DLG2: variants seen among roughly 807,000 people sequenced by gnomAD.
DLG2 encodes the protein discs large MAGUK scaffold protein 2.
In DLG2, 45 loss-of-function variants were observed where a neutral mutation model predicts 132.5. The observed-to-expected ratio is 0.34, with a 90% CI of 0.27 to 0.44. DLG2 has a LOEUF of 0.44. Ranked by LOEUF, DLG2 falls within the 20% of genes least tolerant of loss-of-function variation. DLG2 has a pLI of 1.00. For missense variants in DLG2, 1,045 were observed against 1,196.9 expected (o/e 0.87, Z 1.87); for synonymous variants, 424 against 419.6 (o/e 1.01, Z -0.13).
chr11:84,796,431 C>T (rs1055035331), intron 6 of DLG2, among the ~76,000 whole-genome samples: 4 of 152,082 alleles, frequency 2.6e-5, no homozygotes, highest in African/African-American at 9.7e-5. Context: ...AGTTTGCATG[C>T]CACAGTTGCA....
intron 17 of DLG2, among the ~76,000 whole-genome samples, chr11:83,825,128 T>TACACAC (rs1291937371): frequency 4.4e-5 from 4 of 90,972 alleles, no homozygotes; most frequent in African/African-American, 1.7e-4. Context: ...TACACATATA[T>TACACAC]ATATACACAC....
intron 3 of DLG2, among the ~76,000 whole-genome samples, chr11:85,481,267 A>G (rs900314224): frequency 2.0e-5 from 3 of 152,240 alleles, no homozygotes; most frequent in African/African-American, 7.2e-5. Flanking sequence ...AAATTAAGAT[A>G]AAAGTGTTAT....
chr11:84,082,465 CT>C (rs1178600851), intron 10 of DLG2, among the ~76,000 whole-genome samples: 1 of 152,274 alleles, frequency 6.6e-6, no homozygotes, highest in East Asian at 1.9e-4. Context: ...ATTACTTAAT[CT>C]TTTTCACTAT....
chr11:84,309,182 C>A (rs1257474643), intron 7 of DLG2, among the ~76,000 whole-genome samples: 1 of 152,160 alleles, frequency 6.6e-6, no homozygotes, highest in Non-Finnish European at 1.5e-5. Flanking sequence ...TGCACATGCA[C>A]CCCCCGAGCC....
chr11:83,787,972 C>T (rs1022420095), intron 17 of DLG2, among the ~76,000 whole-genome samples: 3 of 152,164 alleles, frequency 2.0e-5, no homozygotes, highest in African/African-American at 7.2e-5. Flanking sequence ...GATAAGCCCT[C>T]AAGAAGTTTT....
intron 6 of DLG2, among the ~76,000 whole-genome samples, chr11:84,659,685 A>G (rs1037937995): frequency 6.6e-6 from 1 of 152,140 alleles, no homozygotes; most frequent in Non-Finnish European, 1.5e-5. Context: ...TAATGTCTCT[A>G]TAAGATGCTA....
intron 2 of DLG2, among the ~76,000 whole-genome samples, chr11:85,621,633 G>A (rs1463367464): frequency 2.6e-5 from 4 of 152,182 alleles, no homozygotes; most frequent in African/African-American, 9.7e-5. Flanking sequence ...AACTTCAGAT[G>A]GAATGGAAAT....
At chr11:84,481,558 T>C (rs1282153351) in intron 7 of DLG2, among the ~76,000 whole-genome samples, 1 of 152,204 alleles carries the variant, frequency 6.6e-6, no homozygotes, top group African/African-American at 2.4e-5. Flanking sequence ...AATTACCCAG[T>C]GGATGGTAGT....
chr11:84,730,001 C>T (rs1200628632), intron 6 of DLG2, among the ~76,000 whole-genome samples: 1 of 152,032 alleles, frequency 6.6e-6, no homozygotes, highest in Non-Finnish European at 1.5e-5. Flanking sequence ...GCCTTTGAGA[C>T]TTCTCATGAC....
intron 6 of DLG2, among the ~76,000 whole-genome samples, chr11:84,563,486 T>A (rs2099436127): frequency 6.6e-6 from 1 of 152,182 alleles, no homozygotes; most frequent in South Asian, 2.1e-4. Flanking sequence ...TCATGCTTTT[T>A]TTCAGAACCT....
chr11:84,129,348 C>T (rs912380328), intron 9 of DLG2, among the ~76,000 whole-genome samples: 7 of 152,014 alleles, frequency 4.6e-5, no homozygotes, highest in Non-Finnish European at 8.8e-5. Flanking sequence ...CTGTGAGAGA[C>T]CTTAGCCTGT....
rs998708328 is a variant in DLG2 at position 84,152,939 on chromosome 11, G to A, written c.624+10522C>T. Among the ~76,000 whole-genome samples the A allele has an allele frequency of 3.3e-5, 5 of 152,186 alleles. No individual in the cohort carries two copies. In the East Asian group the frequency reaches 9.7e-4, roughly 29 times the overall value. On this transcript the variant is annotated intron_variant, in intron 9 of 27. Transcript: ENST00000376104. Reference sequence around the variant, plus strand: ...ACTTGATTATATAGTTGCCCTATAGGGTCTGTGCTATGCACTTAAGTGTGT... The same window carrying A: ...ACTTGATTATATAGTTGCCCTATAGAGTCTGTGCTATGCACTTAAGTGTGT...
chr11:85,008,408 A>C (rs1268326178), intron 6 of DLG2, among the ~76,000 whole-genome samples: 1 of 152,168 alleles, frequency 6.6e-6, no homozygotes, highest in Admixed American at 6.5e-5. Flanking sequence ...TATTTGTAAA[A>C]TCAAAGTTTG....
chr11:84,243,920 G>A (rs547003844), intron 8 of DLG2, among the ~76,000 whole-genome samples: 9 of 152,174 alleles, frequency 5.9e-5, no homozygotes, highest in Non-Finnish European at 7.3e-5. Context: ...ACCCCTGCAA[G>A]GCAGGTAGTA....
chr11:83,911,761 G>A (rs67497914), intron 15 of DLG2, among the ~76,000 whole-genome samples: 27,647 of 152,016 alleles, frequency 0.18, 2,757 homozygotes, highest in Middle Eastern at 0.23. Context: ...TAATGAATCA[G>A]CGAAAATAGT....
At chr11:84,072,078 G>T (rs941628396) in intron 10 of DLG2, among the ~76,000 whole-genome samples, 8 of 152,198 alleles carry the variant, frequency 5.3e-5, no homozygotes, top group East Asian at 1.9e-4. Flanking sequence ...GCACATAAAG[G>T]CTTCTTATGA....
chr11:84,177,839 GTTA>G (rs2096011690), intron 8 of DLG2, among the ~76,000 whole-genome samples: 3 of 152,032 alleles, frequency 2.0e-5, no homozygotes, highest in African/African-American at 7.2e-5. Context: ...CATGATAAAT[GTTA>G]TTATTATACT....
upstream of DLG2, among the ~76,000 whole-genome samples, chr11:85,628,287 A>C (rs2082120827): frequency 6.6e-6 from 1 of 152,224 alleles, no homozygotes; most frequent in Admixed American, 6.5e-5. Flanking sequence ...GAGCGCAGTA[A>C]CATTACAACA....
intron 17 of DLG2, among the ~76,000 whole-genome samples, chr11:83,802,638 A>T (rs932969209): frequency 6.6e-6 from 1 of 152,212 alleles, no homozygotes; most frequent in Non-Finnish European, 1.5e-5. Flanking sequence ...TTGATTAAAT[A>T]GATAATGAAC....
Sources: gnomAD v4.1 joint callset for allele counts (sites outside exome capture counted in the v4.1 genomes callset) on GRCh38, gnomAD v4.1.1 for gene constraint, MANE v1.5 for transcripts, NCBI Gene and HGNC (gene_info 2026-07-23, HGNC 2026-07-21) for gene names.